MICAL3: variants seen among roughly 807,000 people sequenced by gnomAD.
The protein encoded by MICAL3 is [F-actin]-monooxygenase MICAL3.
In MICAL3, 62 loss-of-function variants were observed where a neutral mutation model predicts 207.4. The observed-to-expected ratio is 0.30, with a 90% CI of 0.24 to 0.37. MICAL3 has a LOEUF of 0.37. MICAL3 is among the 10% of genes least tolerant of loss of function. The probability of loss-of-function intolerance (pLI) is 1.00; values close to 1 mark genes in which losing one functional copy is unlikely to be tolerated. For missense variants in MICAL3, 2,368 were observed against 2,635.6 expected (o/e 0.90, Z 2.22); for synonymous variants, 1,077 against 1,069.3 (o/e 1.01, Z -0.14).
chr22:17,941,672 G>T lies in MICAL3; in HGVS notation c.-74-34786C>A, dbSNP rs756877475. On this transcript the variant is annotated intron_variant, in intron 1 of 31. Transcript: ENST00000441493. ...TGGGATACAGGAACTGAGAAGCGAA[G>T]AAGAAAAATGTATTTTTACTATACT... Among the ~76,000 whole-genome samples, 18 of 152,244 alleles carry T rather than the reference G, an allele frequency of 1.2e-4. 1 individual carries two copies. The highest frequency in any genetic ancestry group is 1.6e-4 in the Non-Finnish European group (11 of 68,042).
chr22:18,011,301 T>C (rs1923704028), intron 1 of MICAL3, among the ~76,000 whole-genome samples: 1 of 152,108 alleles, frequency 6.6e-6, no homozygotes, highest in Non-Finnish European at 1.5e-5. Context: ...ATCCCAGCAC[T>C]TTGGGAGGCC....
intron 16 of MICAL3, chr22:17,876,865 G>GGGAGGTTAGGGAAGTTATGGAGGTTAT: frequency 1.0e-5 from 1 of 99,840 alleles, no homozygotes; most frequent in East Asian, 3.0e-4. Flanking sequence ...ATGGAGGTTA[G>GGGAGGTTAGGGAAGTTATGGAGGTTAT]GGAGGTTAGG....
At chr22:17,831,729 T>C in intron 21 of MICAL3, 125 bp downstream of exon 21, 1 of 1,429,384 alleles carries the variant, frequency 7.0e-7, no homozygotes. Flanking sequence ...TCAGGAGGGG[T>C]GGTCCCTGGG....
At chr22:17,827,802 G>T in intron 21 of MICAL3, 21 bp from the exon 22 acceptor site, 2 of 1,533,672 alleles carry the variant, frequency 1.3e-6, no homozygotes, top group Non-Finnish European at 1.8e-6. Flanking sequence ...AGGGTCAAGG[G>T]GTGGAGAAAT....
chr22:17,920,036 C>CAA (rs1048610393), intron 1 of MICAL3, among the ~76,000 whole-genome samples: 4 of 152,236 alleles, frequency 2.6e-5, no homozygotes, highest in Non-Finnish European at 5.9e-5. Context: ...GAAGCTGCCA[C>CAA]AAGCCCAGGT....
intron 19 of MICAL3, chr22:17,863,663 G>C: frequency 2.0e-6 from 2 of 985,368 alleles, no homozygotes; most frequent in East Asian, 1.1e-4. Flanking sequence ...CACCTGGCTT[G>C]GCTGGGTTCT....
chr22:18,014,797 TC>T (rs1923950672), intron 1 of MICAL3, among the ~76,000 whole-genome samples: 1 of 151,802 alleles, frequency 6.6e-6, no homozygotes, highest in African/African-American at 2.4e-5. Flanking sequence ...ATCGAGACCA[TC>T]CTAGCTAACA....
chr22:17,901,141 T>G (rs1931285483), intron 5 of MICAL3, 144 bp from the exon 6 acceptor site: 1 of 725,230 alleles, frequency 1.4e-6, no homozygotes, highest in Non-Finnish European at 2.3e-6. Context: ...CTTCTGCAGA[T>G]GAAAATAAGG....
chr22:17,989,801 G>C lies in MICAL3; in HGVS notation c.-75+34480C>G, dbSNP rs150829986. Among the ~76,000 whole-genome samples, 1,067 of 152,310 alleles carry C rather than the reference G, an allele frequency of 7.0e-3. 9 individuals are homozygous for C. The highest frequency in any genetic ancestry group is 0.014 in the African/African-American group (602 of 41,564). ...TCAGTATCCCCTAACTTGCAGGGCT[G>C]ACAACGCATATAAAGCTTCTGAACC... On this transcript the variant is annotated intron_variant, in intron 1 of 31. Transcript: ENST00000441493.
chr22:17,855,987 C>T (rs995947844), intron 19 of MICAL3, among the ~76,000 whole-genome samples: 1 of 152,242 alleles, frequency 6.6e-6, no homozygotes, highest in African/African-American at 2.4e-5. Context: ...CCAAGCCTGC[C>T]TAACTCCTAT....
chr22:17,816,572 G>T, intron 27 of MICAL3, 118 bp downstream of exon 27: 1 of 796,702 alleles, frequency 1.3e-6, no homozygotes, highest in Non-Finnish European at 2.1e-6. Flanking sequence ...CTGGCTATGC[G>T]CCACTAGCTG....
In MICAL3 at chr22:17,968,797, G is replaced by A. The variant is rs143306422; in HGVS notation, c.-75+55484C>T. Among the ~76,000 whole-genome samples the A allele has an allele frequency of 2.7e-3, 414 of 152,258 alleles. 1 individual carries two copies. Among genetic ancestry groups the A allele is most frequent in the African/African-American group, 9.1e-3 (379 of 41,556 alleles). ...TAAAGGAGCTCGAGGGGAGTTAGGC[G>A]CTTTTAGATTAGCATGGGGCGACAA... is the stretch of plus-strand genomic sequence containing the variant. On this transcript the variant is annotated intron_variant, in intron 1 of 31. Coordinates refer to ENST00000441493, the MANE Select transcript of MICAL3 (RefSeq NM_015241.3).
chr22:17,966,777 A>G (rs11704059), intron 1 of MICAL3, among the ~76,000 whole-genome samples: 30,433 of 152,160 alleles, frequency 0.2, 3,200 homozygotes, highest in Middle Eastern at 0.27. Context: ...AATTATTTCA[A>G]TGATTATGTA....
chr22:17,940,435 G>GA (rs1400599647), intron 1 of MICAL3, among the ~76,000 whole-genome samples: 1 of 152,030 alleles, frequency 6.6e-6, no homozygotes, highest in African/African-American at 2.4e-5. Flanking sequence ...GAGGAAGAAG[G>GA]AAAAAGAAGG....
Position 17,841,909 on chromosome 22 carries a change from G to T in MICAL3, c.2714C>A (p.Ala905Glu). 1.3e-6 allele frequency: 2 copies of T among 1,590,498 alleles called. No homozygotes were observed. The highest frequency in any genetic ancestry group is 2.3e-5 in the East Asian group (1 of 43,746). ...NYRLSLRQAE[A>E]LQEVPEETQA... ...AGTCTCCTCCGGTACCTCCTGCAGTGCCTCAGCCTGCCTCAGGGACAGGCG... is the reference window on the plus strand; with the variant it reads ...AGTCTCCTCCGGTACCTCCTGCAGTTCCTCAGCCTGCCTCAGGGACAGGCG... Residue 905 changes from alanine to glutamate, a missense_variant, in exon 20 of 32, where the codon GCA becomes GAA. By Grantham distance (107) the Ala-to-Glu change is moderately radical. Transcript: ENST00000441493. This position sits in a 1 kb window ranked among gnomAD's most constrained non-coding sequence, Gnocchi z 4.2.
chr22:17,947,424 C>T (rs1934126532), intron 1 of MICAL3, among the ~76,000 whole-genome samples: 1 of 152,206 alleles, frequency 6.6e-6, no homozygotes, highest in African/African-American at 2.4e-5. Flanking sequence ...TTTCTCTCAC[C>T]TTCACCGTGT....
At chr22:17,955,417 C>T (rs1005777952) in intron 1 of MICAL3, among the ~76,000 whole-genome samples, 17 of 152,222 alleles carry the variant, frequency 1.1e-4, no homozygotes, top group Admixed American at 1.1e-3. Context: ...CCACTCTCCA[C>T]AGGGAACCTT....
intron 1 of MICAL3, among the ~76,000 whole-genome samples, chr22:17,991,864 C>A (rs906982195): frequency 6.6e-6 from 1 of 152,132 alleles, no homozygotes; most frequent in Non-Finnish European, 1.5e-5. Context: ...GAATGGGGGG[C>A]TCGCTACTGT....
rs114448268 is a variant in MICAL3 at position 17,946,262 on chromosome 22, C to T, written c.-74-39376G>A. Among the ~76,000 whole-genome samples, 488 of 152,220 alleles carry T rather than the reference C, an allele frequency of 3.2e-3. 2 individuals are homozygous for T. The highest frequency in any genetic ancestry group is 0.011 in the African/African-American group (470 of 41,520). Reference sequence around the variant, plus strand: ...CTGGCTTCGGGGGTGGGCAGGCACCCCTACTTCCGAAAAGAACAAAAAGAG... The same window carrying T: ...CTGGCTTCGGGGGTGGGCAGGCACCTCTACTTCCGAAAAGAACAAAAAGAG... On this transcript the variant is annotated intron_variant, in intron 1 of 31. Transcript: ENST00000441493.
Sources: gnomAD v4.1 joint callset for allele counts (sites outside exome capture counted in the v4.1 genomes callset) on GRCh38, gnomAD v4.1.1 for gene constraint, Gnocchi (gnomAD v3.1) non-coding constraint, MANE v1.5 for transcripts, NCBI Gene and HGNC (gene_info 2026-07-23, HGNC 2026-07-21) for gene names.